The following OSBP2 variants were observed in gnomAD, a reference collection of about 807,000 sequenced individuals.
OSBP2 encodes the protein oxysterol-binding protein 2.
Under a neutral mutation model 96.0 loss-of-function variants are expected in OSBP2, and 66 were observed. The observed-to-expected ratio is 0.69, with a 90% CI of 0.56 to 0.84. The LOEUF (loss-of-function observed/expected upper bound fraction) is 0.84. OSBP2 is among the 40% of genes least tolerant of loss of function. The probability of loss-of-function intolerance (pLI) is 0.00; values close to 1 mark genes in which losing one functional copy is unlikely to be tolerated. For synonymous variants in OSBP2, 525 were observed against 520.9 expected (o/e 1.01, Z -0.11); for missense variants, 1,038 against 1,222.7 (o/e 0.85, Z 2.25).
chr22:30,894,771 G>A (rs186918935), intron 12 of OSBP2, among the ~76,000 whole-genome samples: 2 of 152,190 alleles, frequency 1.3e-5, no homozygotes, highest in Non-Finnish European at 1.5e-5. Context: ...ATCACTTTCC[G>A]AGGAGCTGTC....
At chr22:30,822,361 G>A (rs1485186607) in intron 2 of OSBP2, among the ~76,000 whole-genome samples, 3 of 152,248 alleles carry the variant, frequency 2.0e-5, no homozygotes, top group East Asian at 3.9e-4. Flanking sequence ...GGCGACGCGC[G>A]GGACGAGGCC....
Position 30,889,923 on chromosome 22 carries a change from A to G in OSBP2, c.1623+287A>G, listed in dbSNP as rs548003473. On this transcript the variant is annotated intron_variant, in intron 7 of 13. Coordinates refer to ENST00000332585, the MANE Select transcript of OSBP2 (RefSeq NM_030758.4). Reference sequence around the variant, plus strand: ...CCTCTGGATCTCACAGGACCTTACCATGTCCCAGCTGTCCCGATCTGTAGA... The same window carrying G: ...CCTCTGGATCTCACAGGACCTTACCGTGTCCCAGCTGTCCCGATCTGTAGA... Among the ~76,000 whole-genome samples the G allele has an allele frequency of 2.4e-4, 36 of 152,232 alleles. 1 individual carries two copies. Among genetic ancestry groups the G allele is most frequent in the African/African-American group, 8.4e-4 (35 of 41,530 alleles).
In OSBP2 at chr22:30,906,331, ATCT is replaced by A; in HGVS notation, c.2747_2749del (p.Phe916del). Reference sequence around the variant, plus strand: ...GCAAGACTGGCATATGTGCCCCAACATCTTCTGAGCGCCACCCTTGCAACAAAT... The same window carrying A: ...GCAAGACTGGCATATGTGCCCCAACATCTGAGCGCCACCCTTGCAACAAAT... On this transcript the variant is annotated inframe_deletion, in exon 14 of 14. Coordinates refer to ENST00000332585, the MANE Select transcript of OSBP2 (RefSeq NM_030758.4). 1 of 1,607,358 alleles carries A rather than the reference ATCT, an allele frequency of 6.2e-7. No individual in the cohort carries two copies. Among genetic ancestry groups the A allele is most frequent in the Non-Finnish European group, 8.5e-7 (1 of 1,175,948 alleles).
chr22:30,792,302 G>A (rs1398457204), intron 2 of OSBP2, among the ~76,000 whole-genome samples: 3 of 150,950 alleles, frequency 2.0e-5, no homozygotes, highest in Non-Finnish European at 2.9e-5. Flanking sequence ...GACAGAGCGA[G>A]ACTCTACTGT....
At chr22:30,730,809 A>ATATATATTT (rs1569100787) in intron 1 of OSBP2, among the ~76,000 whole-genome samples, 1 of 21,268 alleles carries the variant, frequency 4.7e-5, no homozygotes, top group Non-Finnish European at 8.4e-5. Context: ...TATATATATA[A>ATATATATTT]TTTTTTTTTT....
At chr22:30,822,184 AT>A (rs2038287850) in intron 2 of OSBP2, among the ~76,000 whole-genome samples, 2 of 152,192 alleles carry the variant, frequency 1.3e-5, no homozygotes, top group African/African-American at 4.8e-5. Context: ...GGCCATCCCC[AT>A]TTCCCGCGTG....
At chr22:30,820,612 G>A (rs889143355) in intron 2 of OSBP2, among the ~76,000 whole-genome samples, 3 of 152,148 alleles carry the variant, frequency 2.0e-5, no homozygotes, top group Non-Finnish European at 4.4e-5. Context: ...CTTGACCTCA[G>A]AGCCTTAGTC....
intron 2 of OSBP2, among the ~76,000 whole-genome samples, chr22:30,820,256 G>A (rs1326487431): frequency 6.6e-6 from 1 of 152,056 alleles, no homozygotes; most frequent in Admixed American, 6.5e-5. Flanking sequence ...GGACACGGTG[G>A]TGTGCCCCAG....
rs2089006808 is a variant in OSBP2, at chr22:30,695,286, C to T, written c.377C>T (p.Pro126Leu). 6.2e-7 allele frequency: 1 copy of T among 1,613,304 alleles called. No individual in the cohort carries two copies. Among genetic ancestry groups the T allele is most frequent in the Non-Finnish European group, 8.5e-7 (1 of 1,180,030 alleles). Reference sequence around the variant, plus strand: ...CCCTTCACTAAGGCCGCATCGGAGCCGCTCTCCCGGGCGGTGGGGAGCGCG... The same window carrying T: ...CCCTTCACTAAGGCCGCATCGGAGCTGCTCTCCCGGGCGGTGGGGAGCGCG... ...AGPFTKAASE[P>L]LSRAVGSATF... Residue 126 changes from proline (P) to leucine (L), a missense_variant, in exon 1 of 14, where the codon CCG becomes CTG. This residue lies in a region of OSBP2 where 281 missense variants were observed against 273.4 expected (regional missense o/e 1.03). Coordinates refer to ENST00000332585, the MANE Select transcript of OSBP2 (RefSeq NM_030758.4).
In OSBP2 at chr22:30,803,363, T is replaced by C. The variant is rs2090881136; in HGVS notation, c.853+61994T>C. 2.0e-5 allele frequency among the ~76,000 whole-genome samples: 3 copies of C among 152,198 alleles called. No homozygotes were observed. The South Asian group carries it at 6.2e-4, about 32-fold the overall frequency. On this transcript the variant is annotated intron_variant, in intron 2 of 13. Coordinates refer to ENST00000332585, the MANE Select transcript of OSBP2 (RefSeq NM_030758.4). ...AGTCCTGGGATAGAGGGCAGGCCCCTCTGCCCTCACAAGCCAGGGGACAAA... is the reference window on the plus strand; with the variant it reads ...AGTCCTGGGATAGAGGGCAGGCCCCCCTGCCCTCACAAGCCAGGGGACAAA...
At chr22:30,694,540 GC>G (rs1253861579), upstream of OSBP2, among the ~76,000 whole-genome samples, 3 of 152,178 alleles carry the variant, frequency 2.0e-5, no homozygotes, top group Admixed American at 6.5e-5. Flanking sequence ...TGCGCTGGGA[GC>G]TGGCGGGCTC....
At chr22:30,726,755 G>A (rs1402280006) in intron 1 of OSBP2, among the ~76,000 whole-genome samples, 1 of 152,174 alleles carries the variant, frequency 6.6e-6, no homozygotes, top group African/African-American at 2.4e-5. Context: ...AAGTGTCCTT[G>A]TAGTCGCATT....
At chr22:30,746,485 C>CT (rs34500140) in intron 2 of OSBP2, among the ~76,000 whole-genome samples, 12,444 of 101,420 alleles carry the variant, frequency 0.12, 1,917 homozygotes, top group African/African-American at 0.3. Context: ...GGATGAAACA[C>CT]TTTTTTTTTT....
At chr22:30,709,885 C>CTT (rs1005643833) in intron 1 of OSBP2, among the ~76,000 whole-genome samples, 1 of 141,848 alleles carries the variant, frequency 7.0e-6, no homozygotes, top group Non-Finnish European at 1.5e-5. Context: ...GGCAGGGATA[C>CTT]TTTTTTTTTT....
At chr22:30,783,065 C>CTTT (rs567123014) in intron 2 of OSBP2, among the ~76,000 whole-genome samples, 51 of 104,122 alleles carry the variant, frequency 4.9e-4, no homozygotes, top group South Asian at 7.3e-4. Context: ...GAACCTGTGG[C>CTTT]TTTTTTTTTT....
intron 1 of OSBP2, among the ~76,000 whole-genome samples, chr22:30,699,042 A>G (rs2089111614): frequency 6.6e-6 from 1 of 152,062 alleles, no homozygotes; most frequent in African/African-American, 2.4e-5. Flanking sequence ...CCCAGGTTCC[A>G]GTGATTCTCA....
At chr22:30,802,119 C>T (rs1156295129) in intron 2 of OSBP2, among the ~76,000 whole-genome samples, 1 of 152,164 alleles carries the variant, frequency 6.6e-6, no homozygotes, top group East Asian at 1.9e-4. Context: ...AGGAGCCCCA[C>T]CCCACCCTCA....
chr22:30,741,311 G>C lies in OSBP2; in HGVS notation c.795G>C (p.Trp265Cys), dbSNP rs145882890. The C allele has an allele frequency of 5.6e-6, 9 of 1,613,684 alleles. No individual in the cohort carries two copies. In the African/African-American group the frequency reaches 1.2e-4, roughly 21 times the overall value. ...KASSEVDRQQ[W>C]ITALELAKAK... is the part of the protein sequence containing the mutation. ...GCTCAGAGGTGGACCGGCAGCAGTG[G>C]ATCACCGCCCTGGAGCTGGCCAAGG... is the stretch of plus-strand genomic sequence containing the variant. Residue 265 changes from tryptophan to cysteine, a missense_variant, in exon 2 of 14, where the codon TGG becomes TGC. Trp to Cys is a radical substitution (Grantham distance 215). Around this residue, in one of 3 missense-constraint regions of OSBP2, gnomAD observed 737 missense variants for 913.3 expected, o/e 0.81. Transcript: ENST00000332585.
At chr22:30,757,246 C>A (rs1468121463) in intron 2 of OSBP2, among the ~76,000 whole-genome samples, 1 of 152,106 alleles carries the variant, frequency 6.6e-6, no homozygotes, top group Non-Finnish European at 1.5e-5. Flanking sequence ...AAACCAGATC[C>A]ACAGCTGAGC....
Sources: allele counts gnomAD v4.1 joint callset (sites outside exome capture counted in the v4.1 genomes callset), GRCh38; gene constraint gnomAD v4.1.1; regional missense constraint gnomAD v4.1.1; transcripts MANE v1.5; gene names NCBI Gene and HGNC (gene_info 2026-07-23, HGNC 2026-07-21).